The following HELZ variants were observed in gnomAD, a reference collection of about 807,000 sequenced individuals.
HELZ encodes the protein helicase with zinc finger.
A neutral mutation model predicts 218.2 loss-of-function variants in HELZ; 23 were observed. The observed-to-expected ratio is 0.11, with a 90% CI of 0.08 to 0.15. HELZ has a LOEUF of 0.15. Ranked by LOEUF, HELZ falls within the 10% of genes least tolerant of loss-of-function variation. HELZ has a pLI of 1.00. For synonymous variants in HELZ, 814 were observed against 829.4 expected (o/e 0.98, Z 0.32); for missense variants, 1,813 against 2,353.7 (o/e 0.77, Z 4.75).
At chr17:67,105,251 AT>A (rs1233750777) in intron 31 of HELZ, among the ~76,000 whole-genome samples, 1 of 152,226 alleles carries the variant, frequency 6.6e-6, no homozygotes, top group African/African-American at 2.4e-5. Flanking sequence ...AGCTGTGGGA[AT>A]ATAAATGTGC....
intron 24 of HELZ, among the ~76,000 whole-genome samples, chr17:67,124,821 C>T (rs1347455150): frequency 6.6e-6 from 1 of 151,934 alleles, no homozygotes; most frequent in African/African-American, 2.4e-5. Context: ...AAAATGATGA[C>T]ATTTGGGCAG....
intron 13 of HELZ, among the ~76,000 whole-genome samples, chr17:67,171,039 T>TTTC (rs578095901): frequency 0.092 from 13,429 of 146,492 alleles, 1,558 homozygotes; most frequent in African/African-American, 0.28. Context: ...GATGTACAGT[T>TTTC]TTTTTTTTTT....
At position 67,138,038 on chromosome 17, in the gene HELZ, C is replaced by A; in HGVS notation, c.2846G>T (p.Ser949Ile). ...AGCATATGGAGTCACCACACCAATA[C>A]TGCCATCATCTAACTTCCCCCACGC... is the stretch of plus-strand genomic sequence containing the variant. ...PVAWGKLDDGSIGVVTPYADQ... is the reference protein window; with the variant it reads ...PVAWGKLDDGIIGVVTPYADQ... Residue 949 changes from serine to isoleucine, a missense_variant, in exon 22 of 33, where the codon AGT becomes ATT. Physicochemically the swap from Ser to Ile is moderately radical, Grantham distance 142. Around this residue, in one of 4 missense-constraint regions of HELZ, gnomAD observed 156 missense variants for 274.4 expected, o/e 0.57. Coordinates refer to ENST00000358691, the MANE Select transcript of HELZ (RefSeq NM_014877.4). 2 of 1,613,862 alleles carry A rather than the reference C, an allele frequency of 1.2e-6. No individual in the cohort carries two copies. The highest frequency in any genetic ancestry group is 1.7e-6 in the Non-Finnish European group (2 of 1,179,824).
rs561341218 is a variant in HELZ, at chr17:67,122,258, G to A, written c.3630+712C>T. The stretch of plus-strand genomic sequence containing the variant: ...TCTCTACCAATACAAAAAATTAGCC[G>A]GGCATGGCCAGGTGCAGTGGCTCAC... On this transcript the variant is annotated intron_variant, in intron 26 of 32. Coordinates refer to ENST00000358691, the MANE Select transcript of HELZ (RefSeq NM_014877.4). Among the ~76,000 whole-genome samples the A allele has an allele frequency of 1.2e-4, 19 of 152,024 alleles. No homozygotes were observed. The East Asian group carries it at 1.5e-3, about 12-fold the overall frequency.
Position 67,188,127 on chromosome 17 carries a change from G to A in HELZ, c.1162+192C>T. On this transcript the variant is annotated intron_variant, in intron 12 of 32. Coordinates refer to ENST00000358691, the MANE Select transcript of HELZ (RefSeq NM_014877.4). This position sits in a 1 kb window ranked among gnomAD's most constrained non-coding sequence, Gnocchi z 4.1. ...CTCAAAGTTCAAGCTTTACCTGGTGGCTCTGTGAAGAAATCAGGGCACAGT... is the reference window on the plus strand; with the variant it reads ...CTCAAAGTTCAAGCTTTACCTGGTGACTCTGTGAAGAAATCAGGGCACAGT... 1 of 524,052 alleles carries A rather than the reference G, an allele frequency of 1.9e-6. No homozygotes were observed. The highest frequency in any genetic ancestry group is 3.4e-5 in the Admixed American group (1 of 29,158). 32.5% of individuals were successfully genotyped at this position (524,052 alleles called of 1,614,324 possible).
chr17:67,117,097 C>G (rs1444751659), intron 27 of HELZ, among the ~76,000 whole-genome samples: 1 of 152,108 alleles, frequency 6.6e-6, no homozygotes, highest in African/African-American at 2.4e-5. Context: ...TCAGGTGATC[C>G]GCTCACCTCA....
chr17:67,089,668 T>TATATATATATAGAG (rs71293575), intron 31 of HELZ, among the ~76,000 whole-genome samples: 15 of 70,632 alleles, frequency 2.1e-4, no homozygotes, highest in East Asian at 5.1e-4. Context: ...TATATATATA[T>TATATATATATAGAG]AGAGAGAGAG....
chr17:67,138,152 C>T, intron 21 of HELZ, 38 bp from the exon 22 acceptor site: 1 of 1,487,384 alleles, frequency 6.7e-7, no homozygotes, highest in African/African-American at 1.4e-5. Context: ...TTAAAGTTAT[C>T]ACCAATGTTT....
intron 21 of HELZ, among the ~76,000 whole-genome samples, chr17:67,138,721 C>T (rs958928004): frequency 2.0e-5 from 3 of 152,166 alleles, no homozygotes; most frequent in African/African-American, 7.2e-5. Context: ...ACAAGTCCAG[C>T]CAAGCCATTT....
chr17:67,218,075 T>C (rs1221721732), intron 4 of HELZ, among the ~76,000 whole-genome samples: 3 of 151,876 alleles, frequency 2.0e-5, no homozygotes, highest in South Asian at 4.1e-4. Flanking sequence ...GCTGGGATTA[T>C]AGGCACGCGC....
intron 27 of HELZ, 24 bp from the exon 28 acceptor site, chr17:67,114,427 T>C (rs753437524): frequency 1.9e-5 from 28 of 1,446,876 alleles, no homozygotes; most frequent in Non-Finnish European, 2.7e-5. Flanking sequence ...TAAAAATCCT[T>C]ATAAGTTTTC....
chr17:67,150,108 CTTTTA>C (rs763835077), intron 18 of HELZ, 123 bp from the exon 19 acceptor site: 10 of 366,640 alleles, frequency 2.7e-5, no homozygotes, highest in Non-Finnish European at 3.9e-5. Context: ...GTATTGAGTA[CTTTTA>C]TTTATTTATT....
chr17:67,187,050 T>C (rs540507778), intron 12 of HELZ, among the ~76,000 whole-genome samples: 2 of 152,300 alleles, frequency 1.3e-5, no homozygotes, highest in Admixed American at 6.5e-5. Flanking sequence ...AGCTGAGTAG[T>C]TGCAACAGAG....
chr17:67,109,010 G>T, intron 29 of HELZ, 106 bp downstream of exon 29: 1 of 954,082 alleles, frequency 1.0e-6, no homozygotes, highest in Non-Finnish European at 1.6e-6. Flanking sequence ...GGTTTTGCTA[G>T]CATTATTTGA....
At chr17:67,122,489 T>C (rs1248927036) in intron 26 of HELZ, among the ~76,000 whole-genome samples, 2 of 151,254 alleles carry the variant, frequency 1.3e-5, no homozygotes, top group African/African-American at 4.9e-5. Flanking sequence ...GAGCTTGCAG[T>C]GAGCCAAGAT....
chr17:67,146,656 G>A (rs1287039088), intron 20 of HELZ, among the ~76,000 whole-genome samples: 1 of 152,196 alleles, frequency 6.6e-6, no homozygotes, highest in African/African-American at 2.4e-5. Context: ...CTTTACTGAT[G>A]AAGACACCAT....
intron 10 of HELZ, 60 bp downstream of exon 10, chr17:67,190,097 G>C: frequency 2.2e-6 from 3 of 1,389,092 alleles, no homozygotes; most frequent in South Asian, 2.4e-5. Flanking sequence ...ACACAATAAA[G>C]TCAAGACTCA....
intron 3 of HELZ, among the ~76,000 whole-genome samples, chr17:67,223,521 C>A (rs1406508965): frequency 6.6e-6 from 1 of 152,122 alleles, no homozygotes; most frequent in East Asian, 1.9e-4. Flanking sequence ...GAGGCTGAGG[C>A]GGACAGATCA....
At chr17:67,220,339 A>G (rs1337552853) in intron 3 of HELZ, among the ~76,000 whole-genome samples, 1 of 152,234 alleles carries the variant, frequency 6.6e-6, no homozygotes, top group African/African-American at 2.4e-5. Flanking sequence ...TTGGTCTACC[A>G]AAACAGTAGA....
Sources: allele counts gnomAD v4.1 joint callset (sites outside exome capture counted in the v4.1 genomes callset), GRCh38; gene constraint gnomAD v4.1.1; regional missense constraint gnomAD v4.1.1; non-coding constraint Gnocchi (gnomAD v3.1); transcripts MANE v1.5; gene names NCBI Gene and HGNC (gene_info 2026-07-23, HGNC 2026-07-21).